Variants in RPA1 observed in about 807,000 individuals in gnomAD.
RPA1 encodes the protein replication protein A1.
Under a neutral mutation model 83.0 loss-of-function variants are expected in RPA1, and 49 were observed. The observed-to-expected ratio is 0.59, with a 90% CI of 0.47 to 0.75. RPA1 has a LOEUF of 0.75. Among genes scored for constraint, RPA1 ranks in the 30% least tolerant of loss-of-function variants. The probability of loss-of-function intolerance (pLI) is 0.00; values close to 1 mark genes in which losing one functional copy is unlikely to be tolerated. For synonymous variants in RPA1, 279 were observed against 281.8 expected, an observed-to-expected ratio of 0.99 and a Z score of 0.10; for missense variants, 693 against 776.1, an observed-to-expected ratio of 0.89 and a Z score of 1.27.
intron 1 of RPA1, among the ~76,000 whole-genome samples, chr17:1,834,923 AC>A (rs1331057006): frequency 6.6e-6 from 1 of 152,040 alleles, no homozygotes; most frequent in African/African-American, 2.4e-5. Flanking sequence ...GTGCAGAAGC[AC>A]AATCTCAGCT....
rs1213809143 is a variant in RPA1, at chr17:1,844,670, A to G, written c.256A>G (p.Thr86Ala). ...CCAGATTCACAGATTTATTGTGAAC[A>G]CTCTGAAAGACGGAAGGTATGTGCT... The part of the protein sequence containing the change: ...VCQIHRFIVN[T>A]LKDGRRVVIL... The change falls in exon 4 of 17, where the codon ACT becomes GCT. Residue 86 changes from threonine (T) to alanine (A), a missense_variant. Coordinates refer to ENST00000254719, the MANE Select transcript of RPA1 (RefSeq NM_002945.5). 15 of 1,611,572 alleles carry G rather than the reference A, an allele frequency of 9.3e-6. No individual in the cohort carries two copies. In the African/African-American group the frequency reaches 2.0e-4, roughly 22 times the overall value.
intron 5 of RPA1, among the ~76,000 whole-genome samples, chr17:1,864,411 C>T (rs545514833): frequency 5.7e-4 from 86 of 151,638 alleles, no homozygotes; most frequent in Non-Finnish European, 1.0e-3. Flanking sequence ...TAGTGGCACG[C>T]GCCTGTATTC....
At position 1,880,539 on chromosome 17, in the gene RPA1, A is replaced by G. The variant is rs1223603923; in HGVS notation, c.1093-4A>G. On this transcript the variant is annotated splice_polypyrimidine_tract_variant and splice_region_variant and intron_variant, in intron 11 of 16. Transcript: ENST00000254719. ...CTTGTATATGTCTGGTGTTTCTTTT[A>G]CAGGCTGATAAATTTGATGGTTCTA... 6.2e-7 allele frequency: 1 copy of G among 1,612,840 alleles called. No individual in the cohort carries two copies. The highest frequency in any genetic ancestry group is 2.2e-5 in the East Asian group (1 of 44,822).
At chr17:1,839,226 A>T (rs1911945535) in intron 1 of RPA1, among the ~76,000 whole-genome samples, 1 of 152,182 alleles carries the variant, frequency 6.6e-6, no homozygotes, top group African/African-American at 2.4e-5. Flanking sequence ...ATTGATTTCT[A>T]TGTTGGTGCT....
chr17:1,843,947 A>T lies in RPA1; in HGVS notation c.112A>T (p.Ser38Cys). Reference protein sequence around the residue: ...INIRPITTGNSPPRYRLLMSD... With the variant: ...INIRPITTGNCPPRYRLLMSD... ...CATCCGTCCCATTACTACGGGGAAT[A>T]GTCCGCCGCGTTATCGACTGCTCAT... The change falls in exon 3 of 17, where the codon AGT (serine) becomes TGT (cysteine). Residue 38 changes from serine (S) to cysteine (C), a missense_variant. By Grantham distance (112) the Ser-to-Cys change is moderately radical (BLOSUM62 -1). Transcript: ENST00000254719. 6.2e-7 allele frequency: 1 copy of T among 1,613,986 alleles called. No individual in the cohort carries two copies. The highest frequency in any genetic ancestry group is 1.1e-5 in the South Asian group (1 of 91,060).
intron 14 of RPA1, among the ~76,000 whole-genome samples, chr17:1,889,560 C>A (rs906904271): frequency 1.3e-5 from 2 of 152,064 alleles, no homozygotes; most frequent in African/African-American, 2.4e-5. Flanking sequence ...AGGTTGGTCT[C>A]AAGTTCCTGG....
Position 1,849,289 on chromosome 17 carries a change from C to CTTTTT in RPA1, c.273-3795_273-3791dup, listed in dbSNP as rs61062085. Among the ~76,000 whole-genome samples the CTTTTT allele has an allele frequency of 6.7e-3, 780 of 116,250 alleles. 10 individuals are homozygous for CTTTTT. Among genetic ancestry groups the CTTTTT allele is most frequent in the African/African-American group, 9.3e-3 (271 of 29,066 alleles). The allele number at this position is 116,250 out of a possible 152,430, so 76.3% of individuals were successfully genotyped here. A position where few individuals can be genotyped will look rare whatever the true frequency, so the allele number is the denominator to read the frequency against. On this transcript the variant is annotated intron_variant, in intron 4 of 16. Transcript: ENST00000254719. ...TCCCTCCAAATTTTTGTTGGCTGTT[C>CTTTTT]TTTTTTTTTTTTTTTTTTTTTGAGA...
chr17:1,855,818 AT>A (rs34758675), intron 5 of RPA1, among the ~76,000 whole-genome samples: 76 of 146,722 alleles, frequency 5.2e-4, no homozygotes, highest in Admixed American at 5.5e-4. Flanking sequence ...TCTGGGCCTG[AT>A]TTTTTTTTTT....
intron 1 of RPA1, 34 bp from the exon 2 acceptor site, chr17:1,842,769 C>T (rs781305355): frequency 1.3e-5 from 20 of 1,575,892 alleles, no homozygotes; most frequent in Admixed American, 8.4e-5. Context: ...GATTTGAGTG[C>T]GTATCTCACA....
intron 12 of RPA1, among the ~76,000 whole-genome samples, chr17:1,882,996 G>A (rs1453277905): frequency 6.6e-6 from 1 of 152,088 alleles, no homozygotes; most frequent in African/African-American, 2.4e-5. Flanking sequence ...CAAAGCAACT[G>A]AGATTCAAAG....
Position 1,884,148 on chromosome 17 carries a change from C to CT in RPA1, c.1374+205dup, listed in dbSNP as rs1284635683. On this transcript the variant is annotated intron_variant, in intron 13 of 16. Coordinates refer to ENST00000254719, the MANE Select transcript of RPA1 (RefSeq NM_002945.5). The surrounding 1 kb of genome is among the most constrained non-coding windows in gnomAD (Gnocchi z 4.1). ...GGAATATGTGTTACCCCTCAGGGGA[C>CT]TGGAGGCAGGAGAGTCTGAAGAACT... 6.6e-6 allele frequency among the ~76,000 whole-genome samples: 1 copy of CT among 152,166 alleles called. No individual in the cohort carries two copies. The highest frequency in any genetic ancestry group is 2.4e-5 in the African/African-American group (1 of 41,446).
chr17:1,882,509 G>T (rs1265418151), intron 12 of RPA1, among the ~76,000 whole-genome samples: 2 of 151,866 alleles, frequency 1.3e-5, no homozygotes, highest in Admixed American at 6.6e-5. Flanking sequence ...ACAAAAATCA[G>T]CCGGGCCTGT....
intron 13 of RPA1, among the ~76,000 whole-genome samples, chr17:1,886,185 A>G (rs960357686): frequency 6.6e-6 from 1 of 151,290 alleles, no homozygotes; most frequent in Non-Finnish European, 1.5e-5. Flanking sequence ...GTCAATGAGC[A>G]GTCATATTTT....
Position 1,877,251 on chromosome 17 carries a change from C to T in RPA1, c.627C>T (p.Ile209=). Residue 209 remains isoleucine (I), a synonymous_variant, in exon 8 of 17, where the codon ATC becomes ATT. Coordinates refer to ENST00000254719, the MANE Select transcript of RPA1 (RefSeq NM_002945.5). ...ICARVTNKSQ[I]RTWSNSRGEG... ...CTCGTGTTACCAACAAAAGTCAGAT[C>T]CGTACCTGGAGCAACTCCCGAGGGG... is the stretch of plus-strand genomic sequence containing the variant. The T allele has an allele frequency of 3.7e-6, 6 of 1,614,198 alleles. No homozygotes were observed. Among genetic ancestry groups the T allele is most frequent in the Non-Finnish European group, 5.1e-6 (6 of 1,180,040 alleles).
Position 1,830,016 on chromosome 17 carries a change from A to G in RPA1, c.-78A>G. The G allele has an allele frequency of 8.2e-7, 1 of 1,224,984 alleles. No homozygotes were observed. The highest frequency in any genetic ancestry group is 1.0e-6 in the Non-Finnish European group (1 of 967,830). The allele number at this position is 1,224,984 out of a possible 1,614,324, so 75.9% of individuals were successfully genotyped here. A position where few individuals can be genotyped will look rare whatever the true frequency, so the allele number is the denominator to read the frequency against. On this transcript the variant is annotated 5_prime_UTR_variant, in exon 1 of 17. The change creates a new upstream start codon in the 5' untranslated region. Transcript: ENST00000254719. ...GGTGCGCGCAACTTCTCGGGCCAAT[A>G]ACTGCGCAGCGCGCGGGACCCGGGT...
chr17:1,844,110 C>G (rs1912166735), intron 3 of RPA1, 112 bp downstream of exon 3: 2 of 792,518 alleles, frequency 2.5e-6, no homozygotes, highest in East Asian at 5.4e-5. Context: ...ACTTGCTTGG[C>G]TACGTACTTC....
intron 4 of RPA1, among the ~76,000 whole-genome samples, chr17:1,845,819 C>A (rs1912233086): frequency 6.6e-6 from 1 of 152,078 alleles, no homozygotes; most frequent in African/African-American, 2.4e-5. Context: ...GTGGTCCCAG[C>A]TACTCGGAAG....
chr17:1,855,163 A>G (rs1435404314), intron 5 of RPA1, among the ~76,000 whole-genome samples: 1 of 151,570 alleles, frequency 6.6e-6, no homozygotes, highest in Non-Finnish European at 1.5e-5. Flanking sequence ...GGTGAGTTAC[A>G]TTGATTGATT....
chr17:1,872,096 A>G (rs1913395181), intron 5 of RPA1: 1 of 291,160 alleles, frequency 3.4e-6, no homozygotes, highest in East Asian at 6.8e-5. Flanking sequence ...TGCTATGGAA[A>G]TAGTGGTAAT....
Sources: allele counts gnomAD v4.1 joint callset (sites outside exome capture counted in the v4.1 genomes callset), GRCh38; gene constraint gnomAD v4.1.1; non-coding constraint Gnocchi (gnomAD v3.1); transcripts MANE v1.5; gene names NCBI Gene and HGNC (gene_info 2026-07-23, HGNC 2026-07-21).